Variants in WNK2 observed in about 807,000 individuals in gnomAD.
WNK2 encodes serine/threonine-protein kinase WNK2.
Under a neutral mutation model 192.1 loss-of-function variants are expected in WNK2, and 67 were observed. That is an observed-to-expected ratio of 0.35 (90% CI 0.29 to 0.43). WNK2 has a LOEUF of 0.43. WNK2 is among the 20% of genes least tolerant of loss of function. The probability of loss-of-function intolerance (pLI) is 1.00; values close to 1 mark genes in which losing one functional copy is unlikely to be tolerated. For synonymous variants in WNK2, 1,439 were observed against 1,393.9 expected, an observed-to-expected ratio of 1.03 and a Z score of -0.72; for missense variants, 2,698 against 3,089.7, an observed-to-expected ratio of 0.87 and a Z score of 3.01.
At chr9:93,274,346 A>G (rs1846425370) in intron 19 of WNK2, among the ~76,000 whole-genome samples, 1 of 152,058 alleles carries the variant, frequency 6.6e-6, no homozygotes, top group Non-Finnish European at 1.5e-5. Flanking sequence ...CCCCGTCTCT[A>G]CTAAAAGTAC....
chr9:93,206,916 G>A (rs1466209787), intron 2 of WNK2, among the ~76,000 whole-genome samples: 1 of 152,144 alleles, frequency 6.6e-6, no homozygotes, highest in Non-Finnish European at 1.5e-5. Flanking sequence ...AGTGTGTTTT[G>A]TTCTGGCTCT....
chr9:93,288,775 C>T lies in WNK2; in HGVS notation c.4034-13C>T. The stretch of plus-strand genomic sequence containing the variant: ...GTACCCTGGTACAAAGGCATTTTCC[C>T]CATTTCTTCTAGATTCAGCGCCCTA... On this transcript the variant is annotated splice_polypyrimidine_tract_variant and intron_variant, in intron 19 of 29. Coordinates refer to ENST00000427277, the MANE Select transcript of WNK2 (RefSeq NM_006648.4). 1.2e-6 allele frequency: 2 copies of T among 1,600,360 alleles called. No homozygotes were observed. Among genetic ancestry groups the T allele is most frequent in the Non-Finnish European group, 1.7e-6 (2 of 1,174,690 alleles).
intron 2 of WNK2, among the ~76,000 whole-genome samples, chr9:93,205,470 G>A (rs1254560602): frequency 6.6e-6 from 1 of 152,154 alleles, no homozygotes; most frequent in Non-Finnish European, 1.5e-5. Flanking sequence ...GGCCCACCCT[G>A]CTGGCCAGCC....
intron 2 of WNK2, among the ~76,000 whole-genome samples, chr9:93,194,917 C>A (rs1263127951): frequency 6.6e-6 from 1 of 151,700 alleles, no homozygotes; most frequent in East Asian, 1.9e-4. Context: ...CAGAGAGGAG[C>A]CAGAAATGAA....
Position 93,259,404 on chromosome 9 carries a change from A to T in WNK2, c.2856A>T (p.Pro952=), listed in dbSNP as rs147037304. 1 of 1,214,066 alleles carries T rather than the reference A, an allele frequency of 8.2e-7. No individual in the cohort carries two copies. The allele number at this position is 1,214,066 out of a possible 1,614,324, so 75.2% of individuals were successfully genotyped here. A position where few individuals can be genotyped will look rare whatever the true frequency, so the allele number is the denominator to read the frequency against. ...PALPPQPTLP[P]QPVLPPQPTL... ...TGCCTCCACAACCCACACTGCCCCC[A>T]CAACCCGTGCTGCCCCCGCAACCCA... The change falls in exon 12 of 30, where the codon CCA becomes CCT. Residue 952 remains proline (P), a synonymous_variant. Transcript: ENST00000427277. The surrounding 1 kb of genome is among the most constrained non-coding windows in gnomAD (Gnocchi z 4.8).
At chr9:93,309,068 A>G in intron 28 of WNK2, 1 of 990,476 alleles carries the variant, frequency 1.0e-6, no homozygotes, top group South Asian at 4.7e-5. Flanking sequence ...CTAGGTTTTC[A>G]CACCTAACTT....
At chr9:93,250,233 A>G (rs1417907377) in intron 8 of WNK2, among the ~76,000 whole-genome samples, 1 of 152,238 alleles carries the variant, frequency 6.6e-6, no homozygotes, top group Non-Finnish European at 1.5e-5. Context: ...CCACACGTGA[A>G]CACCTGCACA....
chr9:93,306,961 C>T (rs996875108), intron 27 of WNK2, 140 bp downstream of exon 27: 41 of 1,030,222 alleles, frequency 4.0e-5, no homozygotes, highest in Middle Eastern at 2.7e-4. Flanking sequence ...GCCTCTCGGC[C>T]GGGCACTGCT....
chr9:93,198,936 G>A (rs1831817004), intron 2 of WNK2, among the ~76,000 whole-genome samples: 1 of 152,156 alleles, frequency 6.6e-6, no homozygotes, highest in Non-Finnish European at 1.5e-5. Flanking sequence ...GCCTCCTCGG[G>A]TGTGAGTCAG....
intron 4 of WNK2, among the ~76,000 whole-genome samples, chr9:93,232,926 A>G (rs1839087425): frequency 8.5e-6 from 1 of 117,996 alleles, no homozygotes; most frequent in Admixed American, 1.2e-4. Context: ...CAGGGGTTCG[A>G]GGCTAGTCTA....
intron 4 of WNK2, among the ~76,000 whole-genome samples, chr9:93,232,273 G>C (rs977311688): frequency 1.3e-5 from 2 of 152,210 alleles, no homozygotes; most frequent in African/African-American, 2.4e-5. Context: ...GTGGCTGCCC[G>C]GGGGTGGCCC....
chr9:93,286,881 T>C (rs1380290354), intron 19 of WNK2, among the ~76,000 whole-genome samples: 1 of 152,210 alleles, frequency 6.6e-6, no homozygotes, highest in Admixed American at 6.5e-5. Flanking sequence ...TACAGGACAT[T>C]ATGCTATATG....
chr9:93,257,283 C>T lies in WNK2; in HGVS notation c.2382+144C>T, dbSNP rs56161352. On this transcript the variant is annotated intron_variant, in intron 11 of 29. Coordinates refer to ENST00000427277, the MANE Select transcript of WNK2 (RefSeq NM_006648.4). This position sits in a 1 kb window ranked among gnomAD's most constrained non-coding sequence, Gnocchi z 4.7. ...GGCTGGCCAGGGAGTTGGGGCTGGG[C>T]TGGGGAGTCCGGGCTGGGCAGTGTG... 46,390 of 849,634 alleles carry T rather than the reference C, an allele frequency of 0.055. 2,240 individuals are homozygous for T. Among genetic ancestry groups the T allele is most frequent in the African/African-American group, 0.21 (12,269 of 57,478 alleles). 52.6% of individuals were successfully genotyped at this position (849,634 alleles called of 1,614,324 possible).
intron 13 of WNK2, among the ~76,000 whole-genome samples, 164 bp from the exon 14 acceptor site, chr9:93,262,506 G>A (rs745333046): frequency 2.0e-5 from 3 of 152,160 alleles, no homozygotes; most frequent in Non-Finnish European, 4.4e-5. Flanking sequence ...CCATTGTGAC[G>A]CCCCCTGGGT....
intron 2 of WNK2, among the ~76,000 whole-genome samples, chr9:93,198,748 A>C (rs1313775788): frequency 4.6e-5 from 7 of 152,158 alleles, no homozygotes; most frequent in African/African-American, 1.7e-4. Context: ...CTGCGCTGAT[A>C]TGTGCAGTGA....
In WNK2 at chr9:93,293,104, T is replaced by C. The variant is rs1332428649; in HGVS notation, c.5639T>C (p.Ile1880Thr). ...VTSFHSQSSY[I>T]SSDNDSELED... ...TCCTTCCATTCCCAGTCGTCCTACA[T>C]CAGCAGCGACAATGATTCGGAGCTC... The change falls in exon 23 of 30, where the codon ATC becomes ACC. Residue 1880 changes from isoleucine to threonine, a missense_variant. Around this residue, in one of 7 missense-constraint regions of WNK2, gnomAD observed 1,098 missense variants for 1,101.0 expected, o/e 1.00. Coordinates refer to ENST00000427277, the MANE Select transcript of WNK2 (RefSeq NM_006648.4). 6.3e-7 allele frequency: 1 copy of C among 1,598,060 alleles called. No individual in the cohort carries two copies.
At chr9:93,318,929 G>C (rs1316398111) in intron 29 of WNK2, 3 of 1,419,636 alleles carry the variant, frequency 2.1e-6, no homozygotes, top group Non-Finnish European at 2.8e-6. Context: ...TATTAGAACT[G>C]GGTAAATTAT....
intron 2 of WNK2, among the ~76,000 whole-genome samples, chr9:93,190,608 G>C (rs777957597): frequency 6.6e-6 from 1 of 152,228 alleles, no homozygotes; most frequent in Non-Finnish European, 1.5e-5. Flanking sequence ...ATGTTAGGAG[G>C]TCTGCCAGGG....
At chr9:93,312,896 T>G (rs1015988684) in intron 28 of WNK2, among the ~76,000 whole-genome samples, 1 of 152,236 alleles carries the variant, frequency 6.6e-6, no homozygotes. Flanking sequence ...ACTCTGCCAC[T>G]TTTTTCCTCT....
Sources: gnomAD v4.1 joint callset for allele counts (sites outside exome capture counted in the v4.1 genomes callset) on GRCh38, gnomAD v4.1.1 for gene constraint, gnomAD v4.1.1 regional missense constraint, Gnocchi (gnomAD v3.1) non-coding constraint, MANE v1.5 for transcripts, NCBI Gene and HGNC (gene_info 2026-07-23, HGNC 2026-07-21) for gene names.